Variants in MAP2 observed in about 807,000 individuals in gnomAD.
MAP2 encodes the protein microtubule-associated protein 2.
MAP2 carries 14 observed loss-of-function variants against 137.6 expected under a neutral mutation model. The ratio of observed to expected loss-of-function variants is 0.10; its 90% CI spans 0.07 to 0.16. MAP2 has a LOEUF of 0.16. MAP2 is among the 10% of genes least tolerant of loss of function. The probability of loss-of-function intolerance (pLI) is 1.00; values close to 1 mark genes in which losing one functional copy is unlikely to be tolerated. For missense variants in MAP2, 2,088 were observed against 2,191.5 expected (o/e 0.95, Z 0.94); for synonymous variants, 786 against 782.3 (o/e 1.00, Z -0.08).
chr2:209,720,651 A>C (rs937131824), intron 13 of MAP2, among the ~76,000 whole-genome samples: 3 of 151,716 alleles, frequency 2.0e-5, no homozygotes, highest in African/African-American at 7.3e-5. Context: ...AAAAAAAAAA[A>C]AAAAAAAAAA....
At position 209,605,978 on chromosome 2, in the gene MAP2, A is replaced by G. The variant is rs547220196; in HGVS notation, c.-106-19075A>G. ...AGACCTTGACCTTTTGAGAAAGGGT[A>G]AAGTTAGTGTTAACCGCTGGATAGA... On this transcript the variant is annotated intron_variant, in intron 3 of 15. Transcript: ENST00000682079. Among the ~76,000 whole-genome samples the G allele has an allele frequency of 3.4e-3, 511 of 152,322 alleles. 4 individuals carry two copies. Among genetic ancestry groups the G allele is most frequent in the Non-Finnish European group, 4.1e-3 (277 of 68,020 alleles).
intron 7 of MAP2, among the ~76,000 whole-genome samples, chr2:209,682,385 G>A (rs977421491): frequency 6.6e-6 from 1 of 152,120 alleles, no homozygotes; most frequent in African/African-American, 2.4e-5. Flanking sequence ...CAGCTACTCG[G>A]GAGGCTGAGG....
At position 209,730,328 on chromosome 2, in the gene MAP2, G is replaced by A. The variant is rs372398391; in HGVS notation, c.5415G>A (p.Leu1805=). Residue 1805 remains leucine, a synonymous_variant, in exon 16 of 16, where the codon CTG becomes CTA. Coordinates refer to ENST00000682079, the MANE Select transcript of MAP2 (RefSeq NM_001375505.1). The part of the protein sequence containing the change: ...SNVSSSGSIN[L]LESPQLATLA... The stretch of plus-strand genomic sequence containing the variant: ...TCTCCTCGTCTGGAAGCATCAACCT[G>A]CTCGAATCTCCTCAGCTTGCCACTT... 25 of 1,613,966 alleles carry A rather than the reference G, an allele frequency of 1.5e-5. No homozygotes were observed. The African/African-American group carries it at 3.2e-4, about 21-fold the overall frequency.
chr2:209,659,036 G>A (rs2042202567), intron 5 of MAP2, among the ~76,000 whole-genome samples: 1 of 152,100 alleles, frequency 6.6e-6, no homozygotes, highest in African/African-American at 2.4e-5. Flanking sequence ...GAAGACTAAG[G>A]CACAGAATGG....
At chr2:209,573,345 G>A (rs576576262) in intron 2 of MAP2, among the ~76,000 whole-genome samples, 13 of 137,774 alleles carry the variant, frequency 9.4e-5, no homozygotes, top group African/African-American at 3.8e-4. Flanking sequence ...CCAGGCTGGA[G>A]TGCAGTGGCA....
intron 7 of MAP2, among the ~76,000 whole-genome samples, chr2:209,685,464 C>T (rs1187234720): frequency 6.6e-6 from 1 of 152,130 alleles, no homozygotes; most frequent in Non-Finnish European, 1.5e-5. Context: ...CCTCCCTGGT[C>T]CCCATAAAGC....
At chr2:209,579,153 A>C (rs1241929627) in intron 2 of MAP2, among the ~76,000 whole-genome samples, 1 of 152,204 alleles carries the variant, frequency 6.6e-6, no homozygotes, top group African/African-American at 2.4e-5. Context: ...TCCTTAATGC[A>C]GATAATAAAA....
intron 12 of MAP2, among the ~76,000 whole-genome samples, chr2:209,708,369 G>T (rs1027120577): frequency 2.0e-5 from 3 of 152,102 alleles, no homozygotes; most frequent in African/African-American, 7.2e-5. Context: ...TAACTATCTT[G>T]TGCCCTGTGT....
At chr2:209,650,981 G>A (rs1051822899) in intron 4 of MAP2, among the ~76,000 whole-genome samples, 1 of 152,096 alleles carries the variant, frequency 6.6e-6, no homozygotes, top group South Asian at 2.1e-4. Context: ...AGAAATAAAA[G>A]CATGTAAAGA....
chr2:209,455,989 A>G (rs934568054), intron 1 of MAP2, among the ~76,000 whole-genome samples: 3 of 152,180 alleles, frequency 2.0e-5, no homozygotes, highest in East Asian at 1.9e-4. Context: ...TGTTAGGTCA[A>G]TGTACCCCAG....
chr2:209,626,186 T>TG (rs1221418882), intron 4 of MAP2, among the ~76,000 whole-genome samples: 1 of 152,000 alleles, frequency 6.6e-6, no homozygotes, highest in East Asian at 1.9e-4. Flanking sequence ...GAGGCCAAGG[T>TG]GGGCAGATCA....
chr2:209,704,460 T>C (rs1296548164), intron 11 of MAP2: 1 of 1,605,740 alleles, frequency 6.2e-7, no homozygotes, highest in African/African-American at 1.3e-5. Flanking sequence ...AATTCTACCT[T>C]GTCAAAGATT....
chr2:209,709,972 G>A lies in MAP2; in HGVS notation c.4791G>A (p.Gly1597=), dbSNP rs1192759023. 2 of 1,613,800 alleles carry A rather than the reference G, an allele frequency of 1.2e-6. No homozygotes were observed. The highest frequency in any genetic ancestry group is 1.7e-5 in the Admixed American group (1 of 59,960). The change falls in exon 13 of 16, where the codon GGG becomes GGA. Residue 1597 remains glycine, a synonymous_variant. Transcript: ENST00000682079. ...KSGTSTPTTP[G]STAITPGTPP... is the part of the protein sequence containing the mutation. ...GTACCTCAACACCCACTACCCCTGG[G>A]TCTACTGCCATCACTCCTGGCACCC...
At chr2:209,574,137 T>C (rs992954624) in intron 2 of MAP2, among the ~76,000 whole-genome samples, 1 of 152,184 alleles carries the variant, frequency 6.6e-6, no homozygotes, top group African/African-American at 2.4e-5. Context: ...ACATTCGATC[T>C]CTAGACTTGC....
chr2:209,554,525 T>G (rs2070022661), intron 2 of MAP2, among the ~76,000 whole-genome samples: 2 of 152,302 alleles, frequency 1.3e-5, no homozygotes, highest in East Asian at 3.9e-4. Flanking sequence ...CAGTGGCTTA[T>G]GCCTGTAATC....
intron 3 of MAP2, among the ~76,000 whole-genome samples, chr2:209,588,015 G>A (rs1288625820): frequency 6.6e-6 from 1 of 152,206 alleles, no homozygotes; most frequent in African/African-American, 2.4e-5. Flanking sequence ...GAGAAGCCAT[G>A]TTAACAGGCA....
chr2:209,444,957 T>C (rs1698707731), intron 1 of MAP2, among the ~76,000 whole-genome samples: 3 of 151,552 alleles, frequency 2.0e-5, no homozygotes, highest in Admixed American at 2.0e-4. Context: ...TTACCATCAC[T>C]ACTCTTACAG....
intron 2 of MAP2, among the ~76,000 whole-genome samples, chr2:209,541,435 A>G (rs2067015216): frequency 6.6e-6 from 1 of 151,198 alleles, no homozygotes. Flanking sequence ...TCTGAAGGTT[A>G]GGTTGACTGT....
chr2:209,430,172 G>A (rs1693869016), intron 1 of MAP2, among the ~76,000 whole-genome samples: 1 of 149,418 alleles, frequency 6.7e-6, no homozygotes. Context: ...AGGTCATCTA[G>A]TATAGCCAGG....
Sources: allele counts gnomAD v4.1 joint callset (sites outside exome capture counted in the v4.1 genomes callset), GRCh38; gene constraint gnomAD v4.1.1; transcripts MANE v1.5; gene names NCBI Gene and HGNC (gene_info 2026-07-23, HGNC 2026-07-21).